The following NCKAP1 variants were observed in gnomAD, a reference collection of about 807,000 sequenced individuals.
NCKAP1 encodes nck-associated protein 1.
Under a neutral mutation model 151.2 loss-of-function variants are expected in NCKAP1, and 21 were observed. The ratio of observed to expected loss-of-function variants is 0.14; its 90% CI spans 0.10 to 0.20. NCKAP1 has a LOEUF of 0.20. Ranked by LOEUF, NCKAP1 falls within the 10% of genes least tolerant of loss-of-function variation. NCKAP1 has a pLI of 1.00. For missense variants in NCKAP1, 933 were observed against 1,352.1 expected (o/e 0.69, Z 4.86); for synonymous variants, 484 against 451.8 (o/e 1.07, Z -0.90).
At chr2:183,005,940 C>T (rs1479341222) in intron 2 of NCKAP1, among the ~76,000 whole-genome samples, 1 of 152,170 alleles carries the variant, frequency 6.6e-6, no homozygotes, top group Non-Finnish European at 1.5e-5. Flanking sequence ...CACTCCTTCC[C>T]TGAAATGCTA....
In NCKAP1 at chr2:183,031,771, A is replaced by G. The variant is rs184963687; in HGVS notation, c.108+6221T>C. 3.3e-5 allele frequency among the ~76,000 whole-genome samples: 5 copies of G among 152,340 alleles called. No individual in the cohort carries two copies. The East Asian group carries it at 9.6e-4, about 29-fold the overall frequency. The stretch of plus-strand genomic sequence containing the variant: ...AAGCGTATTCCAAAAACGTGAGATA[A>G]CTGGAATATCTATTTAAGATTACAA... On this transcript the variant is annotated intron_variant, in intron 1 of 30. Coordinates refer to ENST00000361354, the MANE Select transcript of NCKAP1 (RefSeq NM_013436.5).
At chr2:183,000,439 G>T (rs562591389) in intron 6 of NCKAP1, among the ~76,000 whole-genome samples, 1 of 152,150 alleles carries the variant, frequency 6.6e-6, no homozygotes, top group African/African-American at 2.4e-5. Context: ...ATAAAAACAA[G>T]ACCATACATG....
In NCKAP1 at chr2:183,002,277, A is replaced by G. The variant is rs898108327; in HGVS notation, c.370-8T>C. On this transcript the variant is annotated splice_region_variant and splice_polypyrimidine_tract_variant and intron_variant, in intron 4 of 30. Coordinates refer to ENST00000361354, the MANE Select transcript of NCKAP1 (RefSeq NM_013436.5). ...TAAATCAAAGTTTACAGTCTAGGAG[A>G]AAAAAAAATCAAGTTCAACTACTTC... The G allele has an allele frequency of 9.1e-6, 13 of 1,424,410 alleles. No individual in the cohort carries two copies. Among genetic ancestry groups the G allele is most frequent in the African/African-American group, 1.5e-5 (1 of 65,006 alleles). 88.2% of individuals were successfully genotyped at this position (1,424,410 alleles called of 1,614,324 possible).
Position 182,956,341 on chromosome 2 carries a change from G to C in NCKAP1, c.2153+121C>G, listed in dbSNP as rs781454517. ...AGGCGTGAGCCACCACGCCCGGCCC[G>C]GTTCATTATTCTTAACACTAATCCA... is the stretch of plus-strand genomic sequence containing the variant. On this transcript the variant is annotated intron_variant, in intron 20 of 30. Coordinates refer to ENST00000361354, the MANE Select transcript of NCKAP1 (RefSeq NM_013436.5). 4.6e-6 allele frequency: 6 copies of C among 1,290,492 alleles called. No individual in the cohort carries two copies. The Admixed American group carries it at 7.2e-5, about 16-fold the overall frequency. 79.9% of individuals were successfully genotyped at this position (1,290,492 alleles called of 1,614,324 possible).
At chr2:182,953,751 T>C (rs111807371) in intron 20 of NCKAP1, among the ~76,000 whole-genome samples, 9,042 of 151,878 alleles carry the variant, frequency 0.06, 303 homozygotes, top group Middle Eastern at 0.14. Context: ...TGAGCTGAGA[T>C]TGCACCACTG....
In NCKAP1 at chr2:182,921,980, A is replaced by G. The variant is rs1386064766; in HGVS notation, c.*3722T>C. On this transcript the variant is annotated 3_prime_UTR_variant, in exon 31 of 31. Transcript: ENST00000361354. Reference sequence around the variant, plus strand: ...CTCAAATATTTTTTCCCAAAGGCAGAGGTCATGGCAAATCTTCGGAGAAAG... The same window carrying G: ...CTCAAATATTTTTTCCCAAAGGCAGGGGTCATGGCAAATCTTCGGAGAAAG... 6.6e-6 allele frequency: 1 copy of G among 152,236 alleles called. No individual in the cohort carries two copies. Among genetic ancestry groups the G allele is most frequent in the Non-Finnish European group, 1.5e-5 (1 of 68,046 alleles). 9.4% of individuals were successfully genotyped at this position (152,236 alleles called of 1,614,324 possible).
At position 183,038,124 on chromosome 2, in the gene NCKAP1, G is replaced by A. The variant is rs1008525186; in HGVS notation, c.-25C>T. 39 of 1,512,334 alleles carry A rather than the reference G, an allele frequency of 2.6e-5. 1 individual carries two copies. The highest frequency in any genetic ancestry group is 2.4e-4 in the African/African-American group (17 of 69,474). 93.7% of individuals were successfully genotyped at this position (1,512,334 alleles called of 1,614,324 possible). On this transcript the variant is annotated 5_prime_UTR_variant, in exon 1 of 31. Transcript: ENST00000361354. Reference sequence around the variant, plus strand: ...TGGTGGTGCTGGTGCCGCCGCCGCCGCCGGCCGCCTCGCGCCCAGTCACGG... The same window carrying A: ...TGGTGGTGCTGGTGCCGCCGCCGCCACCGGCCGCCTCGCGCCCAGTCACGG...
In NCKAP1 at chr2:182,920,216, C is replaced by T. The variant is rs1288895708; in HGVS notation, c.*5486G>A. 1.3e-5 allele frequency: 2 copies of T among 152,212 alleles called. No individual in the cohort carries two copies. Among genetic ancestry groups the T allele is most frequent in the Non-Finnish European group, 1.5e-5 (1 of 68,118 alleles). 9.4% of individuals were successfully genotyped at this position (152,212 alleles called of 1,614,324 possible). ...CTCGAACTTCTAGGCTCAAATGATA[C>T]CTCTGGCTCCGCCTCTCAAAGTGTT... On this transcript the variant is annotated 3_prime_UTR_variant, in exon 31 of 31. Coordinates refer to ENST00000361354, the MANE Select transcript of NCKAP1 (RefSeq NM_013436.5).
chr2:183,021,568 G>A (rs181142218), intron 2 of NCKAP1, among the ~76,000 whole-genome samples: 11 of 152,254 alleles, frequency 7.2e-5, no homozygotes, highest in Non-Finnish European at 1.3e-4. Context: ...CTATGATGGC[G>A]CCACTGCATT....
intron 24 of NCKAP1, among the ~76,000 whole-genome samples, chr2:182,940,724 C>A (rs911247997): frequency 6.6e-6 from 1 of 152,182 alleles, no homozygotes; most frequent in African/African-American, 2.4e-5. Context: ...CAGGCCTGGG[C>A]CACCACACCC....
intron 8 of NCKAP1, among the ~76,000 whole-genome samples, chr2:182,992,369 T>C (rs984322002): frequency 2.2e-4 from 33 of 152,200 alleles, no homozygotes; most frequent in African/African-American, 7.2e-4. Context: ...TGCCCATATA[T>C]TCCCCATTAG....
chr2:182,963,033 A>C (rs983251297), intron 17 of NCKAP1, among the ~76,000 whole-genome samples: 3 of 152,108 alleles, frequency 2.0e-5, no homozygotes, highest in African/African-American at 7.2e-5. Flanking sequence ...TTCCATAATC[A>C]TATATGTAGA....
chr2:182,935,364 CA>C lies in NCKAP1; in HGVS notation c.2706del (p.Ser902ArgfsTer3), dbSNP rs1352564452. 1 of 1,565,004 alleles carries C rather than the reference CA, an allele frequency of 6.4e-7. No homozygotes were observed. The highest frequency in any genetic ancestry group is 8.6e-7 in the Non-Finnish European group (1 of 1,160,480). ...CCAATTATTGTCATCCTCTTCAAGA[CA>C]CTGTCAACAGCTAAATTCAAAGAAA... Reference protein sequence around the residue: ...ALFKRLSSVDSVLKRMTIIGV... With the variant: ...ALFKRLSSVDXVLKRMTIIGV... On this transcript the variant is annotated frameshift_variant, in exon 25 of 31. Coordinates refer to ENST00000361354, the MANE Select transcript of NCKAP1 (RefSeq NM_013436.5). LOFTEE classifies it high-confidence loss of function.
chr2:182,964,042 T>G (rs998301063), intron 17 of NCKAP1, among the ~76,000 whole-genome samples: 7 of 152,136 alleles, frequency 4.6e-5, no homozygotes, highest in East Asian at 1.9e-4. Context: ...TAAGTTAAAT[T>G]ATAATAAAGA....
chr2:182,930,563 CAATAAT>C, intron 27 of NCKAP1, 126 bp downstream of exon 27: 3 of 689,894 alleles, frequency 4.3e-6, no homozygotes, highest in Non-Finnish European at 7.5e-6. Context: ...CAAGTACCAG[CAATAAT>C]AATAACAAAT....
chr2:183,037,396 C>G (rs1004365842), intron 1 of NCKAP1, among the ~76,000 whole-genome samples: 1 of 152,178 alleles, frequency 6.6e-6, no homozygotes, highest in Non-Finnish European at 1.5e-5. Flanking sequence ...CTTCCCCCTC[C>G]TCTCCACCTT....
At chr2:182,958,885 T>C (rs1272201416) in intron 18 of NCKAP1, among the ~76,000 whole-genome samples, 1 of 152,230 alleles carries the variant, frequency 6.6e-6, no homozygotes, top group Non-Finnish European at 1.5e-5. Flanking sequence ...AGCTGTGTTA[T>C]AAGATAAACA....
chr2:182,938,574 A>G (rs770348287), intron 24 of NCKAP1, among the ~76,000 whole-genome samples: 29 of 152,180 alleles, frequency 1.9e-4, no homozygotes, highest in Non-Finnish European at 3.7e-4. Context: ...AACAGTGCAT[A>G]CAAACTAGTC....
At chr2:183,029,977 G>A (rs757472403) in intron 1 of NCKAP1, among the ~76,000 whole-genome samples, 16 of 152,084 alleles carry the variant, frequency 1.1e-4, no homozygotes, top group Non-Finnish European at 2.1e-4. Flanking sequence ...CAACAGAAAG[G>A]AAAGGAGCTT....
Sources: gnomAD v4.1 joint callset for allele counts (sites outside exome capture counted in the v4.1 genomes callset) on GRCh38, gnomAD v4.1.1 for gene constraint, MANE v1.5 for transcripts, NCBI Gene and HGNC (gene_info 2026-07-23, HGNC 2026-07-21) for gene names.